HOOK1: variants seen among roughly 807,000 people sequenced by gnomAD.
HOOK1 encodes hook microtubule tethering protein 1, also known as protein Hook homolog 1.
HOOK1 carries 60 observed loss-of-function variants against 112.8 expected under a neutral mutation model. The observed-to-expected ratio is 0.53, with a 90% CI of 0.43 to 0.66. The LOEUF is 0.66. Ranked by LOEUF, HOOK1 falls within the 30% of genes least tolerant of loss-of-function variation. The pLI is 0.00. For synonymous variants in HOOK1, 294 were observed against 283.8 expected (o/e 1.04, Z -0.36); for missense variants, 770 against 856.0 (o/e 0.90, Z 1.25).
At chr1:59,816,981 G>A (rs2098382046) in intron 1 of HOOK1, among the ~76,000 whole-genome samples, 1 of 152,030 alleles carries the variant, frequency 6.6e-6, no homozygotes, top group Non-Finnish European at 1.5e-5. Flanking sequence ...TATTCTACCT[G>A]AGCCCCCAAC....
chr1:59,821,434 A>G (rs2098385527), intron 1 of HOOK1, among the ~76,000 whole-genome samples: 1 of 152,196 alleles, frequency 6.6e-6, no homozygotes, highest in Non-Finnish European at 1.5e-5. Context: ...GTAGGTTTAG[A>G]CTTGACATTT....
chr1:59,856,311 A>G (rs1399136810), intron 12 of HOOK1, among the ~76,000 whole-genome samples: 2 of 151,358 alleles, frequency 1.3e-5, no homozygotes, highest in South Asian at 2.1e-4. Context: ...ATTTCTTTTT[A>G]ATAAATTCTC....
chr1:59,871,087 A>G lies in HOOK1; in HGVS notation c.1993A>G (p.Ile665Val). The G allele has an allele frequency of 1.2e-6, 2 of 1,612,132 alleles. No homozygotes were observed. Among genetic ancestry groups the G allele is most frequent in the Non-Finnish European group, 1.7e-6 (2 of 1,178,452 alleles). Reference sequence around the variant, plus strand: ...ATTCCGTGATTATGAAGAAAAACTCATTGTTTCTGCGTGGTATAATAAGGT... The same window carrying G: ...ATTCCGTGATTATGAAGAAAAACTCGTTGTTTCTGCGTGGTATAATAAGGT... The part of the protein sequence containing the change: ...AKFRDYEEKL[I>V]VSAWYNKSLA... The change falls in exon 21 of 22, where the codon ATT (isoleucine) becomes GTT (valine). Residue 665 changes from isoleucine to valine, a missense_variant. By Grantham distance (29) the Ile-to-Val change is conservative (BLOSUM62 3). Transcript: ENST00000371208.
intron 19 of HOOK1, among the ~76,000 whole-genome samples, chr1:59,866,493 A>G (rs1040781873): frequency 6.6e-6 from 1 of 152,162 alleles, no homozygotes; most frequent in African/African-American, 2.4e-5. Flanking sequence ...CATTGAGTCC[A>G]ATCATAAATG....
intron 12 of HOOK1, among the ~76,000 whole-genome samples, chr1:59,854,811 T>C (rs1327155254): frequency 6.6e-6 from 1 of 152,316 alleles, no homozygotes; most frequent in Non-Finnish European, 1.5e-5. Context: ...GTTGAATTTC[T>C]TAGAACTGTA....
rs377432833 is a variant in HOOK1 at position 59,873,515 on chromosome 1, G to C, written c.*550G>C. On this transcript the variant is annotated 3_prime_UTR_variant, in exon 22 of 22. Coordinates refer to ENST00000371208, the MANE Select transcript of HOOK1 (RefSeq NM_015888.6). The stretch of plus-strand genomic sequence containing the variant: ...TGTACCTCTACCTTGTCATGTCATG[G>C]AAGATACAACATTTGGAAGATCTGA... The C allele has an allele frequency of 6.6e-6, 1 of 151,608 alleles. No individual in the cohort carries two copies. The highest frequency in any genetic ancestry group is 1.5e-5 in the Non-Finnish European group (1 of 67,890). The allele number at this position is 151,608 out of a possible 1,614,324, so 9.4% of individuals were successfully genotyped here. A position where few individuals can be genotyped will look rare whatever the true frequency, so the allele number is the denominator to read the frequency against.
chr1:59,855,984 ATTTTTTTTTTTTTT>A (rs1167413179), intron 12 of HOOK1, among the ~76,000 whole-genome samples: 1 of 60,300 alleles, frequency 1.7e-5, no homozygotes, highest in Non-Finnish European at 2.7e-5. Flanking sequence ...ATATATATAT[ATTTTTTTTTTTTTT>A]TTTTTTTTTT....
At chr1:59,832,238 T>A in intron 4 of HOOK1, 25 bp downstream of exon 4, 1 of 1,414,938 alleles carries the variant, frequency 7.1e-7, no homozygotes, top group Non-Finnish European at 9.8e-7. Flanking sequence ...TGACTTTGTT[T>A]AAATGCATCA....
In HOOK1 at chr1:59,858,993, G is replaced by A. The variant is rs548640163; in HGVS notation, c.1339G>A (p.Ala447Thr). ...TTTTTGTTATTTTTTAGATGCATCT[G>A]CTACAAAAAGTTATGAGAATCTTGC... ...QDHLNQTDAS[A>T]TKSYENLAAE... is the part of the protein sequence containing the mutation. The change falls in exon 14 of 22, where the codon GCT (alanine) becomes ACT (threonine). Residue 447 changes from alanine (A) to threonine (T), a missense_variant. By Grantham distance (58) the Ala-to-Thr change is moderately conservative. This residue lies in a region of HOOK1 where 655 missense variants were observed against 725.9 expected (regional missense o/e 0.90). Coordinates refer to ENST00000371208, the MANE Select transcript of HOOK1 (RefSeq NM_015888.6). 3.8e-6 allele frequency: 6 copies of A among 1,569,872 alleles called. No homozygotes were observed. In the South Asian group the frequency reaches 6.7e-5, roughly 18 times the overall value.
Position 59,872,938 on chromosome 1 carries a change from T to G in HOOK1, c.2160T>G (p.Val720=). 6.6e-7 allele frequency: 1 copy of G among 1,512,158 alleles called. No homozygotes were observed. The highest frequency in any genetic ancestry group is 8.9e-7 in the Non-Finnish European group (1 of 1,120,826). 93.7% of individuals were successfully genotyped at this position (1,512,158 alleles called of 1,614,324 possible). ...HITNTRRNLS[V]KVPATTSD is the part of the protein sequence containing the mutation. The stretch of plus-strand genomic sequence containing the variant: ...CCAACACCAGAAGAAATCTCTCTGT[T>G]AAAGTCCCTGCTACAACATCTGATT... The change falls in exon 22 of 22, where the codon GTT becomes GTG. Residue 720 remains valine (V), a synonymous_variant. Transcript: ENST00000371208.
intron 6 of HOOK1, among the ~76,000 whole-genome samples, chr1:59,835,977 A>G (rs978487456): frequency 1.3e-5 from 2 of 151,994 alleles, no homozygotes; most frequent in South Asian, 2.1e-4. Context: ...TCCTTTAAAT[A>G]ACTTCAACTA....
At chr1:59,823,821 T>C (rs563591699) in intron 2 of HOOK1, among the ~76,000 whole-genome samples, 420 of 152,354 alleles carry the variant, frequency 2.8e-3, no homozygotes, top group Non-Finnish European at 4.8e-3. Context: ...ATTTCTTCTT[T>C]CTTTTGTCTG....
intron 12 of HOOK1, among the ~76,000 whole-genome samples, chr1:59,852,432 TTTA>T (rs1212785789): frequency 6.6e-6 from 1 of 151,734 alleles, no homozygotes; most frequent in African/African-American, 2.4e-5. Flanking sequence ...CATACAGTTG[TTTA>T]TTGTTATTTC....
At chr1:59,815,392 G>A in intron 1 of HOOK1, 1 of 587,830 alleles carries the variant, frequency 1.7e-6, no homozygotes, top group South Asian at 2.0e-5. Context: ...GGGGGTAAAG[G>A]AAGCTCTGGG....
chr1:59,864,079 TTAAAG>T (rs2098415019), intron 16 of HOOK1, among the ~76,000 whole-genome samples: 2 of 152,144 alleles, frequency 1.3e-5, no homozygotes, highest in African/African-American at 4.8e-5. Context: ...CTATTGCAAT[TTAAAG>T]TACTGTTTTT....
chr1:59,861,427 C>G (rs550798059), intron 15 of HOOK1, among the ~76,000 whole-genome samples: 37 of 152,288 alleles, frequency 2.4e-4, no homozygotes, highest in African/African-American at 7.9e-4. Flanking sequence ...GGTGTAAATA[C>G]AAGTTGTTAG....
Position 59,873,828 on chromosome 1 carries a change from A to G in HOOK1, c.*863A>G, listed in dbSNP as rs1644095267. The G allele has an allele frequency of 6.9e-6, 1 of 145,566 alleles. No homozygotes were observed. Among genetic ancestry groups the G allele is most frequent in the Non-Finnish European group, 1.5e-5 (1 of 66,864 alleles). 9.0% of individuals were successfully genotyped at this position (145,566 alleles called of 1,614,324 possible). A position where few individuals can be genotyped will look rare whatever the true frequency, so the allele number is the denominator to read the frequency against. On this transcript the variant is annotated 3_prime_UTR_variant, in exon 22 of 22. Coordinates refer to ENST00000371208, the MANE Select transcript of HOOK1 (RefSeq NM_015888.6). Reference sequence around the variant, plus strand: ...AATGAAGATTTCAGTTATTGCTTTTAAGCATAAAGTTGTATTTAGCTTCTG... The same window carrying G: ...AATGAAGATTTCAGTTATTGCTTTTGAGCATAAAGTTGTATTTAGCTTCTG...
chr1:59,838,384 A>G (rs1451494843), intron 7 of HOOK1, among the ~76,000 whole-genome samples: 1 of 152,282 alleles, frequency 6.6e-6, no homozygotes, highest in East Asian at 1.9e-4. Flanking sequence ...AATGTTCGCC[A>G]TTCTAACTGG....
At chr1:59,869,357 A>G (rs1644018249) in intron 20 of HOOK1, among the ~76,000 whole-genome samples, 1 of 151,852 alleles carries the variant, frequency 6.6e-6, no homozygotes, top group Non-Finnish European at 1.5e-5. Flanking sequence ...ACGCCCAACT[A>G]ATTTTTGTAT....
Sources: gnomAD v4.1 joint callset for allele counts (sites outside exome capture counted in the v4.1 genomes callset) on GRCh38, gnomAD v4.1.1 for gene constraint, gnomAD v4.1.1 regional missense constraint, MANE v1.5 for transcripts, NCBI Gene and HGNC (gene_info 2026-07-23, HGNC 2026-07-21) for gene names.